Variants in ZNF236 observed in about 807,000 individuals in gnomAD.
ZNF236 encodes the protein regulated by glucose.
Under a neutral mutation model 191.2 loss-of-function variants are expected in ZNF236, and 50 were observed. That is an observed-to-expected ratio of 0.26 (90% confidence interval 0.21 to 0.33). The LOEUF (loss-of-function observed/expected upper bound fraction) is 0.33, where lower values mean the gene tolerates loss of function less well. Ranked by LOEUF, ZNF236 falls within the 10% of genes least tolerant of loss-of-function variation. ZNF236 has a pLI of 1.00. For missense variants in ZNF236, 1,754 were observed against 2,374.5 expected, an observed-to-expected ratio of 0.74 and a Z score of 5.43; for synonymous variants, 907 against 928.8, an observed-to-expected ratio of 0.98 and a Z score of 0.43.
At chr18:76,866,919 G>A (rs892652056) in intron 3 of ZNF236, among the ~76,000 whole-genome samples, 5 of 152,356 alleles carry the variant, frequency 3.3e-5, no homozygotes, top group African/African-American at 9.6e-5. Flanking sequence ...GGTCTTGGCT[G>A]TGGCCTGGGA....
intron 27 of ZNF236, among the ~76,000 whole-genome samples, chr18:76,950,570 G>A (rs1968380475): frequency 6.8e-6 from 1 of 147,252 alleles, no homozygotes; most frequent in African/African-American, 2.4e-5. Context: ...TCATCTTCAG[G>A]CTCCATTTCT....
At chr18:76,922,188 A>G (rs764940511) in intron 20 of ZNF236, among the ~76,000 whole-genome samples, 1 of 152,184 alleles carries the variant, frequency 6.6e-6, no homozygotes, top group Non-Finnish European at 1.5e-5. Flanking sequence ...CCTCCCGACG[A>G]ACACTGAGTT....
chr18:76,899,954 T>A (rs1370583453), intron 11 of ZNF236, among the ~76,000 whole-genome samples: 5 of 152,200 alleles, frequency 3.3e-5, no homozygotes, highest in Non-Finnish European at 5.9e-5. Context: ...CTCTTCCTCA[T>A]AGATAGTGCC....
chr18:76,959,597 C>T (rs1476574465), intron 28 of ZNF236, 90 bp from the exon 29 acceptor site: 22 of 1,466,584 alleles, frequency 1.5e-5, no homozygotes, highest in Non-Finnish European at 1.9e-5. Flanking sequence ...TTGCCACTGA[C>T]TTGAACTTTG....
chr18:76,908,722 C>CA, intron 14 of ZNF236, 149 bp downstream of exon 14: 2 of 967,962 alleles, frequency 2.1e-6, no homozygotes, highest in South Asian at 4.2e-5. Context: ...TATTTGATAT[C>CA]ATTCCATGTC....
At chr18:76,901,074 C>T (rs1210148806) in intron 11 of ZNF236, among the ~76,000 whole-genome samples, 5 of 152,196 alleles carry the variant, frequency 3.3e-5, no homozygotes, top group African/African-American at 7.2e-5. Context: ...ACCTGCTATT[C>T]GCCTCCTGCT....
intron 1 of ZNF236, among the ~76,000 whole-genome samples, chr18:76,843,775 C>CAAAAA (rs780026489): frequency 6.1e-4 from 5 of 8,254 alleles, no homozygotes; most frequent in African/African-American, 3.0e-3. Context: ...GACTCCGTCT[C>CAAAAA]AAAAAAAAAA....
chr18:76,869,659 TA>T (rs1489529069), intron 4 of ZNF236, among the ~76,000 whole-genome samples: 3 of 152,188 alleles, frequency 2.0e-5, no homozygotes, highest in Non-Finnish European at 4.4e-5. Flanking sequence ...CAACAAACTC[TA>T]AAAGGCAATA....
chr18:76,966,333 TCACACACA>T (rs372462259), intron 30 of ZNF236, among the ~76,000 whole-genome samples: 6 of 148,208 alleles, frequency 4.0e-5, no homozygotes, highest in African/African-American at 1.5e-4. Context: ...CTGCCCCCCT[TCACACACA>T]CACACACACA....
At chr18:76,824,419 G>A (rs765483108) in intron 1 of ZNF236, 16 of 780,986 alleles carry the variant, frequency 2.0e-5, no homozygotes, top group Admixed American at 2.0e-4. Flanking sequence ...ATGCAGATTT[G>A]TAGTTGGATA....
At chr18:76,901,537 C>A (rs982656542) in intron 11 of ZNF236, among the ~76,000 whole-genome samples, 3 of 152,188 alleles carry the variant, frequency 2.0e-5, no homozygotes, top group Non-Finnish European at 4.4e-5. Context: ...GGTGGGCGAT[C>A]ACTCAAGGTC....
chr18:76,823,852 C>T (rs1599301689), intron 1 of ZNF236, among the ~76,000 whole-genome samples: 2 of 152,262 alleles, frequency 1.3e-5, no homozygotes, highest in South Asian at 2.1e-4. Flanking sequence ...CTTTTTCTCG[C>T]GGGCGCCGTG....
At chr18:76,862,886 G>T (rs538708896) in intron 3 of ZNF236, among the ~76,000 whole-genome samples, 4 of 152,324 alleles carry the variant, frequency 2.6e-5, no homozygotes, top group Non-Finnish European at 5.9e-5. Context: ...CTGGAACAAG[G>T]AAAGAGCGGT....
intron 9 of ZNF236, among the ~76,000 whole-genome samples, chr18:76,882,878 G>A (rs988069636): frequency 6.6e-6 from 1 of 152,222 alleles, no homozygotes. Flanking sequence ...TTACAGGTGT[G>A]TTTTGTATTC....
At chr18:76,950,363 G>A (rs1968374258) in intron 27 of ZNF236, among the ~76,000 whole-genome samples, 1 of 152,182 alleles carries the variant, frequency 6.6e-6, no homozygotes, top group African/African-American at 2.4e-5. Context: ...ATCATCACCA[G>A]GAGTAGATTC....
intron 3 of ZNF236, among the ~76,000 whole-genome samples, chr18:76,866,400 C>T (rs989895823): frequency 1.3e-5 from 2 of 152,062 alleles, no homozygotes; most frequent in African/African-American, 2.4e-5. Context: ...CTGAGAAGGC[C>T]AGGACAGGAG....
rs200466079 is a variant in ZNF236 at position 76,895,040 on chromosome 18, G to A, written c.1445G>A (p.Arg482His). 5 of 1,610,620 alleles carry A rather than the reference G, an allele frequency of 3.1e-6. No homozygotes were observed. Among genetic ancestry groups the A allele is most frequent in the Non-Finnish European group, 4.2e-6 (5 of 1,180,006 alleles). The change falls in exon 10 of 31, where the codon CGC becomes CAC. Residue 482 changes from arginine (R) to histidine (H), a missense_variant. By Grantham distance (29) the Arg-to-His change is conservative. This residue lies in a region of ZNF236 where 126 missense variants were observed against 110.9 expected (regional missense o/e 1.14). Transcript: ENST00000320610. ...PGSIREENGV[R>H]WHVCPYCAKE... ...TCCATCCGCGAGGAGAACGGCGTGCGCTGGCATGTGTGTCCCTACTGCGCC... is the reference window on the plus strand; with the variant it reads ...TCCATCCGCGAGGAGAACGGCGTGCACTGGCATGTGTGTCCCTACTGCGCC...
chr18:76,859,474 T>A (rs1013622909), intron 3 of ZNF236, among the ~76,000 whole-genome samples: 14 of 152,154 alleles, frequency 9.2e-5, no homozygotes, highest in African/African-American at 3.4e-4. Flanking sequence ...ACTTAATAGT[T>A]ATTTGAAAGA....
chr18:76,926,933 T>C (rs1439160344), intron 22 of ZNF236, 104 bp from the exon 23 acceptor site: 1 of 1,321,492 alleles, frequency 7.6e-7, no homozygotes, highest in Non-Finnish European at 1.0e-6. Context: ...TGACATAATG[T>C]GTACAACTTA....
Sources: gnomAD v4.1 joint callset for allele counts (sites outside exome capture counted in the v4.1 genomes callset) on GRCh38, gnomAD v4.1.1 for gene constraint, gnomAD v4.1.1 regional missense constraint, MANE v1.5 for transcripts, NCBI Gene and HGNC (gene_info 2026-07-23, HGNC 2026-07-21) for gene names.